DNAJC16: variants seen among roughly 807,000 people sequenced by gnomAD.
The protein encoded by DNAJC16 is dnaJ homolog subfamily C member 16.
A neutral mutation model predicts 92.7 loss-of-function variants in DNAJC16; 76 were observed. The observed-to-expected ratio is 0.82, with a 90% CI of 0.68 to 0.99. DNAJC16 has a LOEUF of 0.99. DNAJC16 is among the 50% of genes least tolerant of loss of function. DNAJC16 has a pLI of 0.00. For synonymous variants in DNAJC16, 328 were observed against 358.7 expected, an observed-to-expected ratio of 0.91 and a Z score of 0.97; for missense variants, 869 against 942.4, an observed-to-expected ratio of 0.92 and a Z score of 1.02.
At chr1:15,536,223 G>A (rs1399361119) in intron 3 of DNAJC16, among the ~76,000 whole-genome samples, 2 of 151,580 alleles carry the variant, frequency 1.3e-5, no homozygotes, top group African/African-American at 4.9e-5. Context: ...ACAGGCATGC[G>A]CCACCACTCC....
chr1:15,528,444 A>C (rs12747725), intron 1 of DNAJC16, among the ~76,000 whole-genome samples: 136 of 147,090 alleles, frequency 9.2e-4, no homozygotes, highest in Non-Finnish European at 1.7e-3. Context: ...AAAAAAAAAA[A>C]CAAAAAAACA....
intron 9 of DNAJC16, among the ~76,000 whole-genome samples, chr1:15,563,672 A>AG: frequency 6.8e-6 from 1 of 147,142 alleles, no homozygotes; most frequent in East Asian, 2.0e-4. Context: ...CTAAAAAAAA[A>AG]AAAAAAAAAA....
intron 2 of DNAJC16, among the ~76,000 whole-genome samples, chr1:15,533,772 T>A (rs541285427): frequency 2.6e-5 from 4 of 152,364 alleles, no homozygotes; most frequent in African/African-American, 9.6e-5. Flanking sequence ...ATGAATTTAG[T>A]CTATCCTAAA....
At chr1:15,547,517 A>G (rs545542408) in intron 6 of DNAJC16, among the ~76,000 whole-genome samples, 1 of 148,438 alleles carries the variant, frequency 6.7e-6, no homozygotes, top group South Asian at 2.1e-4. Flanking sequence ...ATCTAGACTC[A>G]CTGCAACCTC....
At chr1:15,538,852 AT>A (rs1352780092) in intron 4 of DNAJC16, among the ~76,000 whole-genome samples, 1 of 152,146 alleles carries the variant, frequency 6.6e-6, no homozygotes, top group African/African-American at 2.4e-5. Flanking sequence ...TGTGTTCTTG[AT>A]TTTGTTTCAT....
chr1:15,539,763 C>CA (rs1454697884), intron 4 of DNAJC16, among the ~76,000 whole-genome samples: 2 of 151,944 alleles, frequency 1.3e-5, no homozygotes, highest in African/African-American at 4.8e-5. Flanking sequence ...CATGGTGGCT[C>CA]ACGCCTGTAA....
intron 5 of DNAJC16, among the ~76,000 whole-genome samples, chr1:15,545,297 C>T (rs915353600): frequency 6.6e-6 from 1 of 152,176 alleles, no homozygotes; most frequent in Non-Finnish European, 1.5e-5. Context: ...CGTATTTCTA[C>T]ATGTGCTATT....
At chr1:15,540,342 A>G (rs567239111) in intron 4 of DNAJC16, among the ~76,000 whole-genome samples, 2 of 152,276 alleles carry the variant, frequency 1.3e-5, no homozygotes, top group East Asian at 3.9e-4. Context: ...AAAAGAAAAG[A>G]AAAAAACCAC....
At chr1:15,562,370 G>GTGGC in intron 9 of DNAJC16, 45 bp downstream of exon 9, 2 of 1,526,700 alleles carry the variant, frequency 1.3e-6, no homozygotes, top group Non-Finnish European at 1.8e-6. Context: ...TCATAACCAT[G>GTGGC]TGGCACTTGA....
chr1:15,566,990 C>T (rs574374515), intron 13 of DNAJC16, 109 bp from the exon 14 acceptor site: 6 of 1,028,066 alleles, frequency 5.8e-6, no homozygotes, highest in East Asian at 2.5e-5. Context: ...TAGTGAATAA[C>T]ATACCTAGTC....
rs148744006 is a variant in DNAJC16, at chr1:15,544,151, T to TACACACACACACAC, written c.575-226_575-213dup. On this transcript the variant is annotated intron_variant, in intron 4 of 14. Transcript: ENST00000375847. ...CCCCATTTTGTTTTATGTATATGCA[T>TACACACACACACAC]ACACACACACACACACACACACACA... 8.2e-3 allele frequency among the ~76,000 whole-genome samples: 1,125 copies of TACACACACACACAC among 137,274 alleles called. 32 individuals are homozygous for TACACACACACACAC. Among genetic ancestry groups the TACACACACACACAC allele is most frequent in the African/African-American group, 0.026 (946 of 35,944 alleles). The allele number at this position is 137,274 out of a possible 152,430, so 90.1% of individuals were successfully genotyped here. A position where few individuals can be genotyped will look rare whatever the true frequency, so the allele number is the denominator to read the frequency against.
intron 9 of DNAJC16, among the ~76,000 whole-genome samples, chr1:15,563,609 C>G (rs899531385): frequency 1.4e-5 from 2 of 140,252 alleles, no homozygotes; most frequent in African/African-American, 2.7e-5. Context: ...AGGCAGATCA[C>G]GAGGTCAGGA....
chr1:15,531,447 A>G (rs1419385243), intron 2 of DNAJC16, among the ~76,000 whole-genome samples: 3 of 152,246 alleles, frequency 2.0e-5, no homozygotes, highest in Non-Finnish European at 4.4e-5. Flanking sequence ...GTTATGTTCT[A>G]CATCATTTCA....
At chr1:15,530,439 TATC>T (rs1222673559) in intron 2 of DNAJC16, among the ~76,000 whole-genome samples, 1 of 152,048 alleles carries the variant, frequency 6.6e-6, no homozygotes, top group African/African-American at 2.4e-5. Context: ...TTTGGACAAA[TATC>T]ATCAGTTTCT....
chr1:15,532,146 A>T (rs1487494709), intron 2 of DNAJC16, among the ~76,000 whole-genome samples: 1 of 152,238 alleles, frequency 6.6e-6, no homozygotes, highest in Non-Finnish European at 1.5e-5. Flanking sequence ...CACCCAAAGA[A>T]TGGCAGATTG....
chr1:15,560,069 A>AAAAC (rs1270899653), intron 8 of DNAJC16: 2 of 153,734 alleles, frequency 1.3e-5, no homozygotes, highest in African/African-American at 4.8e-5. Context: ...GTCTCAAAAA[A>AAAAC]AAAAAAAAAA....
Position 15,546,758 on chromosome 1 carries a change from C to T in DNAJC16, c.760-9C>T. 6 of 1,593,218 alleles carry T rather than the reference C, an allele frequency of 3.8e-6. No homozygotes were observed. The highest frequency in any genetic ancestry group is 1.1e-5 in the South Asian group (1 of 89,918). On this transcript the variant is annotated splice_polypyrimidine_tract_variant and intron_variant, in intron 5 of 14. Coordinates refer to ENST00000375847, the MANE Select transcript of DNAJC16 (RefSeq NM_015291.4). ...AATATTGAGACTAACATTCTATTTT[C>T]AATTTAAGGTTACAAATAAAAATTA...
Position 15,535,840 on chromosome 1 carries a change from C to T in DNAJC16, c.235-635C>T, listed in dbSNP as rs188760503. 3.6e-3 allele frequency among the ~76,000 whole-genome samples: 541 copies of T among 151,966 alleles called. 5 individuals are homozygous for T. The highest frequency in any genetic ancestry group is 0.017 in the Middle Eastern group (5 of 294). ...ACAGTGATGCGATCACAGCTCACTG[C>T]AGCCTTCAACTACTGGGCTCAAGCA... On this transcript the variant is annotated intron_variant, in intron 3 of 14. Coordinates refer to ENST00000375847, the MANE Select transcript of DNAJC16 (RefSeq NM_015291.4).
At chr1:15,535,588 A>G (rs544982179) in intron 3 of DNAJC16, among the ~76,000 whole-genome samples, 4 of 152,190 alleles carry the variant, frequency 2.6e-5, no homozygotes, top group African/African-American at 9.6e-5. Flanking sequence ...TACAAAAATT[A>G]GCCAGGCATG....
Sources: gnomAD v4.1 joint callset for allele counts (sites outside exome capture counted in the v4.1 genomes callset) on GRCh38, gnomAD v4.1.1 for gene constraint, MANE v1.5 for transcripts, NCBI Gene and HGNC (gene_info 2026-07-23, HGNC 2026-07-21) for gene names.